MICALL2: variants seen among roughly 807,000 people sequenced by gnomAD.
The protein encoded by MICALL2 is MICAL like 2, also known as MICAL-like protein 2.
In MICALL2, 111 loss-of-function variants were observed where a neutral mutation model predicts 91.1. The ratio of observed to expected loss-of-function variants is 1.22; its 90% CI spans 1.04 to 1.43. The LOEUF (loss-of-function observed/expected upper bound fraction) is 1.43. Ranked by LOEUF, MICALL2 falls within the 40% of genes most tolerant of loss-of-function variation. The probability of loss-of-function intolerance (pLI) is 0.00; values close to 1 mark genes in which losing one functional copy is unlikely to be tolerated. For synonymous variants in MICALL2, 694 were observed against 525.3 expected, an observed-to-expected ratio of 1.32 and a Z score of -4.39; for missense variants, 1,556 against 1,236.0, an observed-to-expected ratio of 1.26 and a Z score of -3.88.
At chr7:1,443,469 T>C (rs765720546) in intron 6 of MICALL2, among the ~76,000 whole-genome samples, 3 of 152,190 alleles carry the variant, frequency 2.0e-5, no homozygotes, top group Non-Finnish European at 4.4e-5. Flanking sequence ...TAAGTGACTG[T>C]ACTTGGTCGA....
chr7:1,434,898 GGCTCTCTTA>G, intron 16 of MICALL2, 194 bp downstream of exon 16: 1 of 711,870 alleles, frequency 1.4e-6, no homozygotes, highest in Admixed American at 2.8e-5. Context: ...AGCTGCCCCT[GGCTCTCTTA>G]GGGGCGGGAG....
chr7:1,443,637 A>C (rs1277900880), intron 6 of MICALL2, among the ~76,000 whole-genome samples: 3 of 149,868 alleles, frequency 2.0e-5, no homozygotes, highest in Non-Finnish European at 3.0e-5. Context: ...GAAGAGGAGA[A>C]GACAGACAGA....
intron 6 of MICALL2, among the ~76,000 whole-genome samples, chr7:1,442,756 T>G (rs1780368776): frequency 6.6e-6 from 1 of 151,966 alleles, no homozygotes; most frequent in African/African-American, 2.4e-5. Flanking sequence ...AGACACCTGT[T>G]TCTGGCATGA....
At chr7:1,435,461 G>C (rs1262842492) in intron 15 of MICALL2, among the ~76,000 whole-genome samples, 4 of 151,338 alleles carry the variant, frequency 2.6e-5, no homozygotes, top group Non-Finnish European at 5.9e-5. Flanking sequence ...TGGACAGGAG[G>C]GCCTGGGCCG....
chr7:1,457,440 G>C (rs1407307450), intron 1 of MICALL2, among the ~76,000 whole-genome samples: 1 of 152,198 alleles, frequency 6.6e-6, no homozygotes. Flanking sequence ...TGCACTCTCT[G>C]GAGCCACCCT....
intron 1 of MICALL2, 108 bp downstream of exon 1, chr7:1,459,076 C>T (rs1781119159): frequency 8.4e-7 from 1 of 1,189,658 alleles, no homozygotes; most frequent in Non-Finnish European, 1.2e-6. Context: ...CCTGCCCAGT[C>T]CCACGCCTCG....
intron 5 of MICALL2, among the ~76,000 whole-genome samples, chr7:1,446,297 A>G (rs1448341606): frequency 1.8e-4 from 2 of 11,206 alleles, no homozygotes; most frequent in Non-Finnish European, 4.0e-4. Context: ...AGGGGGAAAA[A>G]GGGGGAGGAG....
chr7:1,452,532 G>C lies in MICALL2; in HGVS notation c.144-2244C>G, dbSNP rs892370978. Among the ~76,000 whole-genome samples the C allele has an allele frequency of 6.6e-6, 1 of 152,196 alleles. No individual in the cohort carries two copies. Among genetic ancestry groups the C allele is most frequent in the Non-Finnish European group, 1.5e-5 (1 of 68,028 alleles). ...CCCGGAAAGAATGCCCGGACGGCCGGGAGGGCAGTGTCACAAGTCTGTTTT... is the reference window on the plus strand; with the variant it reads ...CCCGGAAAGAATGCCCGGACGGCCGCGAGGGCAGTGTCACAAGTCTGTTTT... On this transcript the variant is annotated intron_variant, in intron 1 of 16. Coordinates refer to ENST00000297508, the MANE Select transcript of MICALL2 (RefSeq NM_182924.4). The surrounding 1 kb of genome is among the most constrained non-coding windows in gnomAD (Gnocchi z 6.2).
chr7:1,454,961 C>A (rs1434525797), intron 1 of MICALL2, among the ~76,000 whole-genome samples: 13 of 152,320 alleles, frequency 8.5e-5, no homozygotes, highest in African/African-American at 3.1e-4. Flanking sequence ...ACTTAAGGGA[C>A]CCTGCCTTGG....
At chr7:1,443,326 C>T (rs1780403305) in intron 6 of MICALL2, among the ~76,000 whole-genome samples, 1 of 151,970 alleles carries the variant, frequency 6.6e-6, no homozygotes, top group African/African-American at 2.4e-5. Flanking sequence ...TGTGACCACC[C>T]CGGAGGCTCT....
At position 1,451,160 on chromosome 7, in the gene MICALL2, C is replaced by A. The variant is rs1373214085; in HGVS notation, c.144-872G>T. ...TTCCCGAGGTGAGGTCCCCGGCCAG[C>A]CTGGACAGCAGGGCCCTTCTGGGGA... On this transcript the variant is annotated intron_variant, in intron 1 of 16. Coordinates refer to ENST00000297508, the MANE Select transcript of MICALL2 (RefSeq NM_182924.4). This position sits in a 1 kb window ranked among gnomAD's most constrained non-coding sequence, Gnocchi z 4.5. Among the ~76,000 whole-genome samples the A allele has an allele frequency of 1.3e-5, 2 of 152,170 alleles. No individual in the cohort carries two copies.
At chr7:1,442,561 C>T (rs780444559) in intron 6 of MICALL2, 77 bp from the exon 7 acceptor site, 151 of 1,396,210 alleles carry the variant, frequency 1.1e-4, no homozygotes, top group Non-Finnish European at 1.3e-4. Flanking sequence ...CGCCCCTCTG[C>T]CTCCCTGCAG....
At position 1,444,975 on chromosome 7, in the gene MICALL2, G is replaced by A; in HGVS notation, c.1095C>T (p.Pro365=). The A allele has an allele frequency of 6.6e-7, 1 of 1,505,714 alleles. No individual in the cohort carries two copies. Among genetic ancestry groups the A allele is most frequent in the Non-Finnish European group, 8.9e-7 (1 of 1,127,052 alleles). 93.3% of individuals were successfully genotyped at this position (1,505,714 alleles called of 1,614,324 possible). A position where few individuals can be genotyped will look rare whatever the true frequency, so the allele number is the denominator to read the frequency against. Residue 365 remains proline, a synonymous_variant, in exon 6 of 17, where the codon CCC becomes CCT. Transcript: ENST00000297508. The part of the protein sequence containing the change: ...TAAAASHPAV[P]PSAPDPRPAT... ...CCGGGCGAGGGTCTGGGGCACTCGG[G>A]GGCACGGCGGGATGGGAGGCAGCCG...
At position 1,442,053 on chromosome 7, in the gene MICALL2, G is replaced by C. The variant is rs369971246; in HGVS notation, c.1711+139C>G. 6 of 991,434 alleles carry C rather than the reference G, an allele frequency of 6.1e-6. No individual in the cohort carries two copies. The African/African-American group carries it at 9.7e-5, about 16-fold the overall frequency. 61.4% of individuals were successfully genotyped at this position (991,434 alleles called of 1,614,324 possible). Reference sequence around the variant, plus strand: ...GGACCCCAGGAGGCTGCGAGCAGGTGTCACGGAGGACAGAGATGAGACGGA... The same window carrying C: ...GGACCCCAGGAGGCTGCGAGCAGGTCTCACGGAGGACAGAGATGAGACGGA... On this transcript the variant is annotated intron_variant, in intron 7 of 16. Transcript: ENST00000297508.
At chr7:1,446,862 G>T in intron 4 of MICALL2, 34 bp from the exon 5 acceptor site, 3 of 1,442,434 alleles carry the variant, frequency 2.1e-6, no homozygotes, top group Non-Finnish European at 9.4e-7. Flanking sequence ...CTGAGCAGCC[G>T]TCCACCCAGC....
At chr7:1,446,510 AGGGAGAAGAGGGAGAAG>A in intron 5 of MICALL2, 186 bp downstream of exon 5, 1 of 463,176 alleles carries the variant, frequency 2.2e-6, no homozygotes, top group South Asian at 2.2e-5. Flanking sequence ...GGAAAGTGAA[AGGGAGAAGAGGGAGAAG>A]GGGAGGAGAG....
chr7:1,452,781 G>A lies in MICALL2; in HGVS notation c.144-2493C>T, dbSNP rs1780881413. On this transcript the variant is annotated intron_variant, in intron 1 of 16. Transcript: ENST00000297508. This position sits in a 1 kb window ranked among gnomAD's most constrained non-coding sequence, Gnocchi z 6.2. ...GCACAGGTCTGGGCTGCGAGTTCAA[G>A]CATCGCGGCCTCAGGATGAGGTTCA... Among the ~76,000 whole-genome samples, 1 of 152,156 alleles carries A rather than the reference G, an allele frequency of 6.6e-6. No homozygotes were observed. Among genetic ancestry groups the A allele is most frequent in the Admixed American group, 6.5e-5 (1 of 15,280 alleles).
rs143039505 is a variant in MICALL2, at chr7:1,456,982, T to A, written c.143+2202A>T. On this transcript the variant is annotated intron_variant, in intron 1 of 16. Transcript: ENST00000297508. ...GGGCTTAAAACACCAGGAATTTGTT[T>A]TCTCACGGCTCTGGAGGCCGGACTC... Among the ~76,000 whole-genome samples the A allele has an allele frequency of 2.8e-4, 43 of 152,250 alleles. No homozygotes were observed. In the East Asian group the frequency reaches 6.8e-3, roughly 24 times the overall value.
chr7:1,442,560 G>T, intron 6 of MICALL2, 76 bp from the exon 7 acceptor site: 1 of 1,399,538 alleles, frequency 7.1e-7, no homozygotes, highest in Non-Finnish European at 9.7e-7. Context: ...CCGCCCCTCT[G>T]CCTCCCTGCA....
Sources: allele counts gnomAD v4.1 joint callset (sites outside exome capture counted in the v4.1 genomes callset), GRCh38; gene constraint gnomAD v4.1.1; non-coding constraint Gnocchi (gnomAD v3.1); transcripts MANE v1.5; gene names NCBI Gene and HGNC (gene_info 2026-07-23, HGNC 2026-07-21).